The following DLG2 variants were observed in gnomAD, a reference collection of about 807,000 sequenced individuals.
DLG2 encodes the protein disks large homolog 2.
Under a neutral mutation model 132.5 loss-of-function variants are expected in DLG2, and 45 were observed. The ratio of observed to expected loss-of-function variants is 0.34; its 90% CI spans 0.27 to 0.44. DLG2 has a LOEUF of 0.44. Ranked by LOEUF, DLG2 falls within the 20% of genes least tolerant of loss-of-function variation. DLG2 has a pLI of 1.00. For synonymous variants in DLG2, 424 were observed against 419.6 expected (o/e 1.01, Z -0.13); for missense variants, 1,045 against 1,196.9 (o/e 0.87, Z 1.87).
At chr11:85,616,908 A>C (rs1439201932) in intron 2 of DLG2, among the ~76,000 whole-genome samples, 1 of 152,192 alleles carries the variant, frequency 6.6e-6, no homozygotes, top group Non-Finnish European at 1.5e-5. Flanking sequence ...GTCAAACCAG[A>C]CGAGAAAGAG....
chr11:83,862,749 T>C (rs942298411), intron 16 of DLG2, among the ~76,000 whole-genome samples: 3 of 152,088 alleles, frequency 2.0e-5, no homozygotes, highest in Non-Finnish European at 4.4e-5. Flanking sequence ...AGAGAGAAAG[T>C]GATGACTAGT....
intron 6 of DLG2, among the ~76,000 whole-genome samples, chr11:84,741,904 T>C (rs923726178): frequency 3.3e-5 from 5 of 151,922 alleles, no homozygotes; most frequent in Non-Finnish European, 7.4e-5. Context: ...AGAATACAAA[T>C]AGACAATTCA....
intron 4 of DLG2, among the ~76,000 whole-genome samples, chr11:85,190,911 T>G (rs1013078225): frequency 6.6e-6 from 1 of 152,158 alleles, no homozygotes; most frequent in South Asian, 2.1e-4. Flanking sequence ...CTGGTGGGAA[T>G]GTAAACTAGT....
At chr11:84,265,871 G>T (rs2154360551) in intron 7 of DLG2, among the ~76,000 whole-genome samples, 1 of 152,040 alleles carries the variant, frequency 6.6e-6, no homozygotes, top group Non-Finnish European at 1.5e-5. Flanking sequence ...TCTAGTATTA[G>T]CTCATTAAAG....
At position 84,277,466 on chromosome 11, in the gene DLG2, T is replaced by C. The variant is rs1244360056; in HGVS notation, c.520-26175A>G. ...ATATTAAGAAAATAAATGACACAAT[T>C]CCAAATAGCTCACTGGTTAAAGAAA... On this transcript the variant is annotated intron_variant, in intron 7 of 27. Transcript: ENST00000376104. Among the ~76,000 whole-genome samples, 3 of 151,966 alleles carry C rather than the reference T, an allele frequency of 2.0e-5. No individual in the cohort carries two copies. In the East Asian group the frequency reaches 5.8e-4, roughly 29 times the overall value.
chr11:84,334,780 A>T (rs2154402956), intron 7 of DLG2, among the ~76,000 whole-genome samples: 1 of 152,248 alleles, frequency 6.6e-6, no homozygotes, highest in East Asian at 1.9e-4. Context: ...ATTTAACTAC[A>T]ACTTTGATAG....
At chr11:84,516,244 AAAAT>A (rs1312929854) in intron 7 of DLG2, among the ~76,000 whole-genome samples, 2 of 151,618 alleles carry the variant, frequency 1.3e-5, no homozygotes, top group Non-Finnish European at 3.0e-5. Flanking sequence ...AGAAATAAAT[AAAAT>A]AGAGTCTAGA....
chr11:85,226,982 G>A (rs1383833003), intron 4 of DLG2, among the ~76,000 whole-genome samples: 1 of 152,246 alleles, frequency 6.6e-6, no homozygotes, highest in Middle Eastern at 3.4e-3. Flanking sequence ...GTTACAATTA[G>A]ACATCTTGGC....
At chr11:84,974,210 T>C (rs769403741) in intron 6 of DLG2, among the ~76,000 whole-genome samples, 2 of 152,208 alleles carry the variant, frequency 1.3e-5, no homozygotes, top group African/African-American at 2.4e-5. Context: ...ATTATCCTTG[T>C]ATAGGTGTTC....
chr11:85,055,767 C>T (rs1023518848), intron 6 of DLG2, among the ~76,000 whole-genome samples: 14 of 151,988 alleles, frequency 9.2e-5, no homozygotes, highest in Admixed American at 2.6e-4. Context: ...AACAATCACA[C>T]GATGCTGGAG....
In DLG2 at chr11:84,811,857, G is replaced by A. The variant is rs562672445; in HGVS notation, c.358-277126C>T. On this transcript the variant is annotated intron_variant, in intron 6 of 27. Transcript: ENST00000376104. Reference sequence around the variant, plus strand: ...TTAGAGAGGCAGATTCTTCAAAACTGTCAATTTTAGAACAATGTAGAATTG... The same window carrying A: ...TTAGAGAGGCAGATTCTTCAAAACTATCAATTTTAGAACAATGTAGAATTG... Among the ~76,000 whole-genome samples the A allele has an allele frequency of 7.9e-5, 12 of 152,244 alleles. No homozygotes were observed. The South Asian group carries it at 2.5e-3, about 32-fold the overall frequency.
intron 7 of DLG2, among the ~76,000 whole-genome samples, chr11:84,455,281 T>C (rs1026904673): frequency 2.0e-5 from 3 of 151,510 alleles, no homozygotes; most frequent in African/African-American, 7.3e-5. Flanking sequence ...TTTGGGTATA[T>C]GTTTCTGTGT....
chr11:83,624,467 A>G (rs2062152140), intron 19 of DLG2, among the ~76,000 whole-genome samples: 1 of 152,238 alleles, frequency 6.6e-6, no homozygotes, highest in Non-Finnish European at 1.5e-5. Context: ...GGATACAACT[A>G]AAAATGCAAA....
At chr11:83,590,495 G>C (rs2097169005) in intron 19 of DLG2, among the ~76,000 whole-genome samples, 1 of 152,100 alleles carries the variant, frequency 6.6e-6, no homozygotes, top group Admixed American at 6.5e-5. Flanking sequence ...AAAGCAGTGT[G>C]TAGAGGGAAA....
rs1285259224 is a variant in DLG2, at chr11:83,962,894, T to C, written c.1331A>G (p.Asp444Gly). The C allele has an allele frequency of 1.2e-6, 2 of 1,612,822 alleles. No homozygotes were observed. The highest frequency in any genetic ancestry group is 8.5e-7 in the Non-Finnish European group (1 of 1,179,046). The change falls in exon 14 of 28, where the codon GAC becomes GGC. Residue 444 changes from aspartate to glycine, a missense_variant. Around this residue, in one of 4 missense-constraint regions of DLG2, gnomAD observed 261 missense variants for 256.1 expected, o/e 1.02. Coordinates refer to ENST00000376104, the MANE Select transcript of DLG2 (RefSeq NM_001142699.3). Reference sequence around the variant, plus strand: ...AACAGGCATATCTGACCTGGTGTAGTCGTCGTCAACAAGCATGTGCTTTGG... The same window carrying C: ...AACAGGCATATCTGACCTGGTGTAGCCGTCGTCAACAAGCATGTGCTTTGG... Reference protein sequence around the residue: ...PIPKHMLVDDDYTRPPEPVYS... With the variant: ...PIPKHMLVDDGYTRPPEPVYS...
intron 6 of DLG2, among the ~76,000 whole-genome samples, chr11:84,681,053 G>C (rs1024842109): frequency 6.6e-6 from 1 of 152,156 alleles, no homozygotes; most frequent in African/African-American, 2.4e-5. Context: ...TATTAGAACA[G>C]CACTGCATAT....
intron 19 of DLG2, among the ~76,000 whole-genome samples, chr11:83,627,878 G>T (rs1017702531): frequency 5.9e-5 from 9 of 152,126 alleles, no homozygotes; most frequent in Non-Finnish European, 1.2e-4. Context: ...AGCACCTGTT[G>T]TTTCCTGAGT....
At chr11:84,989,903 T>G (rs2154124420) in intron 6 of DLG2, among the ~76,000 whole-genome samples, 1 of 152,290 alleles carries the variant, frequency 6.6e-6, no homozygotes, top group Middle Eastern at 3.4e-3. Context: ...AGATAAGACT[T>G]TTCTACAAAT....
At chr11:84,830,960 C>CT (rs151190710) in intron 6 of DLG2, among the ~76,000 whole-genome samples, 1 of 105,948 alleles carries the variant, frequency 9.4e-6, no homozygotes, top group African/African-American at 3.6e-5. Flanking sequence ...CTCCCCCCAC[C>CT]CCCCCCAGCT....
Sources: allele counts gnomAD v4.1 joint callset (sites outside exome capture counted in the v4.1 genomes callset), GRCh38; gene constraint gnomAD v4.1.1; regional missense constraint gnomAD v4.1.1; transcripts MANE v1.5; gene names NCBI Gene and HGNC (gene_info 2026-07-23, HGNC 2026-07-21).